Variants in MICU2 observed in about 807,000 individuals in gnomAD.
MICU2 encodes the protein mitochondrial calcium uptake 2, also known as calcium uptake protein 2, mitochondrial.
Under a neutral mutation model 60.4 loss-of-function variants are expected in MICU2, and 64 were observed. The observed-to-expected ratio is 1.06, with a 90% confidence interval of 0.87 to 1.31. MICU2 has a LOEUF of 1.31. Ranked by LOEUF, MICU2 falls within the 50% of genes most tolerant of loss-of-function variation. MICU2 has a pLI of 0.00. For synonymous variants in MICU2, 201 were observed against 175.0 expected, an observed-to-expected ratio of 1.15 and a Z score of -1.17; for missense variants, 569 against 531.0, an observed-to-expected ratio of 1.07 and a Z score of -0.70.
intron 1 of MICU2, among the ~76,000 whole-genome samples, chr13:21,592,918 T>C (rs997104731): frequency 6.6e-6 from 1 of 152,218 alleles, no homozygotes; most frequent in Non-Finnish European, 1.5e-5. Context: ...TCATATTCAA[T>C]AGGCAAATGC....
At chr13:21,576,415 G>A (rs1200156490) in intron 1 of MICU2, among the ~76,000 whole-genome samples, 1 of 152,056 alleles carries the variant, frequency 6.6e-6, no homozygotes, top group Non-Finnish European at 1.5e-5. Context: ...CTATTGGGGG[G>A]CTGAGTCATA....
intron 6 of MICU2, among the ~76,000 whole-genome samples, chr13:21,520,356 G>T (rs1202500235): frequency 6.6e-6 from 1 of 152,128 alleles, no homozygotes; most frequent in African/African-American, 2.4e-5. Context: ...TACTTTAAAA[G>T]AATCTGCCAA....
chr13:21,603,964 T>A lies in MICU2; in HGVS notation c.185A>T (p.Asp62Val). 6.2e-7 allele frequency: 1 copy of A among 1,612,476 alleles called. No homozygotes were observed. Among genetic ancestry groups the A allele is most frequent in the Non-Finnish European group, 8.5e-7 (1 of 1,179,648 alleles). The change falls in exon 1 of 12, where the codon GAT (aspartate) becomes GTT (valine). Residue 62 changes from aspartate to valine, a missense_variant. Coordinates refer to ENST00000382374, the MANE Select transcript of MICU2 (RefSeq NM_152726.3). ...CTGTGCGGAGACTGTAAAACTGCCA[T>A]CCCGCGCCGCAACACTGACGCGGCT... ...HHSRVSVAARDGSFTVSAQKN... is the reference protein window; with the variant it reads ...HHSRVSVAARVGSFTVSAQKN...
chr13:21,593,377 T>A (rs564511050), intron 1 of MICU2, among the ~76,000 whole-genome samples: 1 of 151,874 alleles, frequency 6.6e-6, no homozygotes, highest in East Asian at 1.9e-4. Context: ...CATAAACAAA[T>A]GGAAAAACAT....
chr13:21,517,799 A>ACACACACACACACACGCGCG (rs1244489287), intron 6 of MICU2, among the ~76,000 whole-genome samples: 1 of 136,332 alleles, frequency 7.3e-6, no homozygotes, highest in African/African-American at 3.1e-5. Flanking sequence ...ACACACACAC[A>ACACACACACACACACGCGCG]CGCGCGCGCG....
intron 1 of MICU2, among the ~76,000 whole-genome samples, chr13:21,577,502 CAAAT>C (rs953945918): frequency 6.6e-6 from 1 of 151,806 alleles, no homozygotes; most frequent in African/African-American, 2.4e-5. Context: ...AAAAATTTAA[CAAAT>C]AAAAAAATTA....
At chr13:21,592,373 C>T (rs1200036) in intron 1 of MICU2, among the ~76,000 whole-genome samples, 82,411 of 151,988 alleles carry the variant, frequency 0.54, 24,104 homozygotes, top group East Asian at 1. Flanking sequence ...CAGTAATTAA[C>T]AGCCTACCAA....
chr13:21,503,433 A>T (rs1012513320), intron 8 of MICU2, among the ~76,000 whole-genome samples: 4 of 152,236 alleles, frequency 2.6e-5, no homozygotes, highest in South Asian at 4.1e-4. Flanking sequence ...TTCCATGGAA[A>T]CTATTTTCCA....
At chr13:21,564,776 G>C (rs567986650) in intron 2 of MICU2, among the ~76,000 whole-genome samples, 1 of 152,270 alleles carries the variant, frequency 6.6e-6, no homozygotes, top group South Asian at 2.1e-4. Flanking sequence ...ATGAGGAAGA[G>C]GGGAGAACAT....
chr13:21,563,663 T>A (rs532653650), intron 2 of MICU2, among the ~76,000 whole-genome samples: 1 of 152,298 alleles, frequency 6.6e-6, no homozygotes, highest in African/African-American at 2.4e-5. Context: ...ACACCTTTTA[T>A]AACTGACTCA....
Position 21,550,009 on chromosome 13 carries a change from T to C in MICU2, c.359-10321A>G, listed in dbSNP as rs957906408. ...ATGGTCTAACAGGTGGTAGAATAGATACTTTTAAAGGGTAGGGCTAGCACT... is the reference window on the plus strand; with the variant it reads ...ATGGTCTAACAGGTGGTAGAATAGACACTTTTAAAGGGTAGGGCTAGCACT... On this transcript the variant is annotated intron_variant, in intron 2 of 11. Transcript: ENST00000382374. Among the ~76,000 whole-genome samples, 4 of 152,298 alleles carry C rather than the reference T, an allele frequency of 2.6e-5. No individual in the cohort carries two copies. The East Asian group carries it at 7.7e-4, about 29-fold the overall frequency.
intron 1 of MICU2, among the ~76,000 whole-genome samples, chr13:21,568,614 T>C (rs1403366571): frequency 1.3e-5 from 2 of 152,186 alleles, no homozygotes; most frequent in African/African-American, 4.8e-5. Context: ...CAAACTCTTC[T>C]TTCCAAACCT....
chr13:21,586,438 T>G lies in MICU2; in HGVS notation c.210+17501A>C, dbSNP rs115284982. Reference sequence around the variant, plus strand: ...GTTTGTTTTTTTAAAGATAGGGTCTTGGTCTGCCGTCTAGGCTAGAATGTA... The same window carrying G: ...GTTTGTTTTTTTAAAGATAGGGTCTGGGTCTGCCGTCTAGGCTAGAATGTA... On this transcript the variant is annotated intron_variant, in intron 1 of 11. Coordinates refer to ENST00000382374, the MANE Select transcript of MICU2 (RefSeq NM_152726.3). Among the ~76,000 whole-genome samples, 269 of 152,288 alleles carry G rather than the reference T, an allele frequency of 1.8e-3. 1 individual carries two copies. Among genetic ancestry groups the G allele is most frequent in the African/African-American group, 6.2e-3 (256 of 41,568 alleles).
chr13:21,514,208 G>T, intron 7 of MICU2, 145 bp downstream of exon 7: 1 of 608,230 alleles, frequency 1.6e-6, no homozygotes, highest in Non-Finnish European at 2.8e-6. Flanking sequence ...GTCTGTTGTT[G>T]ACTGAAAAGT....
At chr13:21,591,590 C>T (rs974724351) in intron 1 of MICU2, among the ~76,000 whole-genome samples, 1 of 152,214 alleles carries the variant, frequency 6.6e-6, no homozygotes, top group Non-Finnish European at 1.5e-5. Context: ...CTTAGAGCCA[C>T]ATGGCACTTA....
intron 7 of MICU2, among the ~76,000 whole-genome samples, chr13:21,511,107 A>G (rs1397882808): frequency 2.0e-5 from 3 of 152,200 alleles, no homozygotes; most frequent in African/African-American, 7.2e-5. Flanking sequence ...GAACATTTTA[A>G]TAGAATCACA....
intron 2 of MICU2, among the ~76,000 whole-genome samples, chr13:21,544,527 A>AAC (rs1555273307): frequency 8.8e-5 from 13 of 147,900 alleles, no homozygotes; most frequent in Admixed American, 2.7e-4. Flanking sequence ...AAAAAAAAAA[A>AAC]AAAAAAACTC....
chr13:21,574,783 G>T (rs980296428), intron 1 of MICU2, among the ~76,000 whole-genome samples: 9 of 152,122 alleles, frequency 5.9e-5, no homozygotes, highest in African/African-American at 1.9e-4. Context: ...TGTTGTCTTT[G>T]AACTTTCTGT....
At chr13:21,548,902 A>T (rs1171912212) in intron 2 of MICU2, among the ~76,000 whole-genome samples, 6 of 147,902 alleles carry the variant, frequency 4.1e-5, no homozygotes, top group Non-Finnish European at 1.5e-5. Flanking sequence ...GTGGGGGAGG[A>T]GAGAAGACAA....
Sources: allele counts gnomAD v4.1 joint callset (sites outside exome capture counted in the v4.1 genomes callset), GRCh38; gene constraint gnomAD v4.1.1; transcripts MANE v1.5; gene names NCBI Gene and HGNC (gene_info 2026-07-23, HGNC 2026-07-21).